Variants in DMXL1 observed in about 807,000 individuals in gnomAD.
DMXL1 encodes dmX-like protein 1.
In DMXL1, 99 loss-of-function variants were observed where a neutral mutation model predicts 319.2. The ratio of observed to expected loss-of-function variants is 0.31; its 90% CI spans 0.26 to 0.37. The LOEUF (loss-of-function observed/expected upper bound fraction) is 0.37. Ranked by LOEUF, DMXL1 falls within the 10% of genes least tolerant of loss-of-function variation. The pLI is 1.00. For missense variants in DMXL1, 3,745 were observed against 3,595.6 expected (o/e 1.04, Z -1.06); for synonymous variants, 1,385 against 1,235.2 (o/e 1.12, Z -2.54).
chr5:119,151,922 A>G lies in DMXL1; in HGVS notation c.4595-7A>G, dbSNP rs1288257730. ...TAATACATTGCTTCCCCTTTCTCCC[A>G]TTGCAGGTGGAGAAACTCTTGATGA... On this transcript the variant is annotated splice_polypyrimidine_tract_variant and splice_region_variant and intron_variant, in intron 18 of 43. Transcript: ENST00000539542. 7 of 1,591,740 alleles carry G rather than the reference A, an allele frequency of 4.4e-6. No individual in the cohort carries two copies. Among genetic ancestry groups the G allele is most frequent in the Middle Eastern group, 3.3e-4 (2 of 6,022 alleles).
chr5:119,190,071 T>A (rs890348771), intron 29 of DMXL1, among the ~76,000 whole-genome samples, 185 bp downstream of exon 29: 1 of 152,230 alleles, frequency 6.6e-6, no homozygotes, highest in Admixed American at 6.5e-5. Context: ...CATATAGTTT[T>A]TAAGGCAGTT....
At chr5:119,159,538 G>T (rs1225156196) in intron 19 of DMXL1, among the ~76,000 whole-genome samples, 1 of 152,196 alleles carries the variant, frequency 6.6e-6, no homozygotes, top group Non-Finnish European at 1.5e-5. Flanking sequence ...CAATTTGTTG[G>T]CATATATCTG....
intron 1 of DMXL1, among the ~76,000 whole-genome samples, chr5:119,079,417 T>C (rs926378089): frequency 7.2e-5 from 11 of 152,238 alleles, no homozygotes; most frequent in Non-Finnish European, 1.0e-4. Context: ...TTATCTCTAC[T>C]TTTTTCTTTC....
chr5:119,242,106 C>A (rs1400757298), intron 42 of DMXL1, among the ~76,000 whole-genome samples: 1 of 152,112 alleles, frequency 6.6e-6, no homozygotes, highest in Non-Finnish European at 1.5e-5. Flanking sequence ...AGACTAGTAT[C>A]TACATATGTT....
At chr5:119,198,082 G>C (rs1779980233) in intron 32 of DMXL1, 126 bp downstream of exon 32, 3 of 829,256 alleles carry the variant, frequency 3.6e-6, no homozygotes, top group Admixed American at 2.2e-5. Context: ...TCTGCCTCCT[G>C]GGTTCAAGTG....
intron 17 of DMXL1, among the ~76,000 whole-genome samples, chr5:119,147,782 A>G (rs918840546): frequency 6.6e-6 from 1 of 152,166 alleles, no homozygotes; most frequent in African/African-American, 2.4e-5. Context: ...CTTTGATGGT[A>G]TTGGCAATAG....
intron 40 of DMXL1, among the ~76,000 whole-genome samples, chr5:119,238,077 A>C (rs1363892766): frequency 6.6e-6 from 1 of 152,128 alleles, no homozygotes; most frequent in Non-Finnish European, 1.5e-5. Flanking sequence ...ACCTTGAAAG[A>C]ATATTAACTG....
rs570603247 is a variant in DMXL1 at position 119,101,621 on chromosome 5, A to C, written c.214-314A>C. ...ACATTTACTGTGCATATTGTATGTC[A>C]CTTATTATATGTTAGGTGTTTTACA... On this transcript the variant is annotated intron_variant, in intron 2 of 43. Transcript: ENST00000539542. 7.9e-5 allele frequency among the ~76,000 whole-genome samples: 12 copies of C among 152,326 alleles called. 1 individual carries two copies. The highest frequency in any genetic ancestry group is 2.9e-4 in the African/African-American group (12 of 41,582).
In DMXL1 at chr5:119,206,868, C is replaced by A; in HGVS notation, c.7898C>A (p.Ser2633Tyr). 1 of 1,528,856 alleles carries A rather than the reference C, an allele frequency of 6.5e-7. No individual in the cohort carries two copies. Among genetic ancestry groups the A allele is most frequent in the Non-Finnish European group, 8.8e-7 (1 of 1,142,140 alleles). 94.7% of individuals were successfully genotyped at this position (1,528,856 alleles called of 1,614,324 possible). ...LEDNSETIKN[S>Y]MMEEPNINKI... ...GACAACAGTGAAACCATCAAAAATT[C>A]TATGATGGAGGAGCCAAACATCAAT... The change falls in exon 34 of 44, where the codon TCT becomes TAT. Residue 2633 changes from serine to tyrosine, a missense_variant. Around this residue, in one of 4 missense-constraint regions of DMXL1, gnomAD observed 1,382 missense variants for 1,269.5 expected, o/e 1.09. Coordinates refer to ENST00000539542, the MANE Select transcript of DMXL1 (RefSeq NM_001290321.3).
chr5:119,241,097 A>G (rs1402730409), intron 42 of DMXL1, among the ~76,000 whole-genome samples: 1 of 152,196 alleles, frequency 6.6e-6, no homozygotes. Flanking sequence ...TATTATTAAT[A>G]TAGTCAATTA....
chr5:119,225,977 A>G (rs994919258), intron 38 of DMXL1, among the ~76,000 whole-genome samples: 4 of 152,168 alleles, frequency 2.6e-5, no homozygotes, highest in Non-Finnish European at 4.4e-5. Context: ...ACCCTATTCT[A>G]TGCAGTCTGG....
At chr5:119,212,883 G>C (rs1783045683) in intron 34 of DMXL1, among the ~76,000 whole-genome samples, 1 of 152,006 alleles carries the variant, frequency 6.6e-6, no homozygotes, top group Non-Finnish European at 1.5e-5. Flanking sequence ...TCCCAGCTTA[G>C]ATTTCATGAT....
intron 10 of DMXL1, chr5:119,132,782 T>G (rs546216601): frequency 1.8e-6 from 1 of 550,180 alleles, no homozygotes; most frequent in African/African-American, 1.9e-5. Flanking sequence ...ACGATTAATT[T>G]GAACTACTTG....
chr5:119,193,145 T>C (rs928232273), intron 29 of DMXL1, among the ~76,000 whole-genome samples: 1 of 152,184 alleles, frequency 6.6e-6, no homozygotes, highest in African/African-American at 2.4e-5. Flanking sequence ...ATACTTAGCA[T>C]ATAAACCTCA....
At chr5:119,246,630 C>CTTTTT (rs11284492) in intron 43 of DMXL1, among the ~76,000 whole-genome samples, 1 of 70,386 alleles carries the variant, frequency 1.4e-5, no homozygotes, top group Non-Finnish European at 3.0e-5. Flanking sequence ...TTTTCTTTTC[C>CTTTTT]TTTTTTTTTT....
intron 9 of DMXL1, chr5:119,128,074 C>T (rs1292695223): frequency 6.6e-6 from 3 of 455,906 alleles, no homozygotes; most frequent in African/African-American, 2.0e-5. Context: ...AGTCAGTAAC[C>T]AACAATTACT....
intron 1 of DMXL1, among the ~76,000 whole-genome samples, chr5:119,095,005 G>A (rs563410795): frequency 5.3e-5 from 8 of 151,964 alleles, no homozygotes; most frequent in Admixed American, 1.3e-4. Flanking sequence ...ACAGGCGTAC[G>A]CCACTGCAAC....
intron 35 of DMXL1, 44 bp from the exon 36 acceptor site, chr5:119,220,427 CT>C: frequency 6.3e-7 from 1 of 1,595,592 alleles, no homozygotes; most frequent in Non-Finnish European, 8.6e-7. Flanking sequence ...TATACTATCT[CT>C]TTTGCCTATT....
At chr5:119,207,063 G>A (rs1425706058) in intron 34 of DMXL1, among the ~76,000 whole-genome samples, 167 bp downstream of exon 34, 2 of 152,144 alleles carry the variant, frequency 1.3e-5, no homozygotes, top group South Asian at 4.1e-4. Context: ...AGTTGTAAAA[G>A]TGGTTTCTGT....
Sources: allele counts gnomAD v4.1 joint callset (sites outside exome capture counted in the v4.1 genomes callset), GRCh38; gene constraint gnomAD v4.1.1; regional missense constraint gnomAD v4.1.1; transcripts MANE v1.5; gene names NCBI Gene and HGNC (gene_info 2026-07-23, HGNC 2026-07-21).